Variants in GPR137 observed in about 807,000 individuals in gnomAD.
GPR137 encodes G protein-coupled receptor 137, also known as integral membrane protein GPR137.
Under a neutral mutation model 38.9 loss-of-function variants are expected in GPR137, and 20 were observed. The ratio of observed to expected loss-of-function variants is 0.51; its 90% CI spans 0.36 to 0.75. The LOEUF is 0.75. Among genes scored for constraint, GPR137 ranks in the 30% least tolerant of loss-of-function variants. GPR137 has a pLI of 0.00. For synonymous variants in GPR137, 226 were observed against 235.8 expected, an observed-to-expected ratio of 0.96 and a Z score of 0.38; for missense variants, 456 against 526.4, an observed-to-expected ratio of 0.87 and a Z score of 1.31.
In GPR137 at chr11:64,288,591, T is replaced by G; in HGVS notation, c.913-12T>G. On this transcript the variant is annotated splice_polypyrimidine_tract_variant and intron_variant, in intron 5 of 6. Coordinates refer to ENST00000438980, the MANE Select transcript of GPR137 (RefSeq NM_001170880.2). This position sits in a 1 kb window ranked among gnomAD's most constrained non-coding sequence, Gnocchi z 5.5. Reference sequence around the variant, plus strand: ...GACAGGAGTAAGTATCGATGATGGCTTCCTCCCCCAGAGCACCAGCCACAT... The same window carrying G: ...GACAGGAGTAAGTATCGATGATGGCGTCCTCCCCCAGAGCACCAGCCACAT... 6.2e-7 allele frequency: 1 copy of G among 1,613,366 alleles called. No individual in the cohort carries two copies. The highest frequency in any genetic ancestry group is 8.5e-7 in the Non-Finnish European group (1 of 1,179,796).
At chr11:64,276,802 C>T in intron 2 of GPR137, 1 of 655,720 alleles carries the variant, frequency 1.5e-6, no homozygotes, top group South Asian at 1.7e-5. Flanking sequence ...GGTGCCCAGG[C>T]CTGCCCACTC....
chr11:64,270,658 G>A (rs1226302019), exon 1 of GPR137: 1 of 589,552 alleles, frequency 1.7e-6, no homozygotes, highest in South Asian at 1.5e-5. Context: ...GGCCGGGAGC[G>A]ATGGTGAGCG....
chr11:64,270,891 G>A (rs2032459276), upstream of GPR137, among the ~76,000 whole-genome samples: 2 of 130,090 alleles, frequency 1.5e-5, no homozygotes, highest in Non-Finnish European at 3.3e-5. Context: ...ATCCCAGCAT[G>A]CCCTGTGAGA....
exon 1 of GPR137, chr11:64,270,648 G>A: frequency 3.3e-6 from 2 of 608,470 alleles, no homozygotes; most frequent in South Asian, 1.5e-5. Flanking sequence ...AGAATCAAAG[G>A]GCCGGGAGCG....
chr11:64,288,751 C>CA lies in GPR137; in HGVS notation c.1031+30_1031+31insA. The CA allele has an allele frequency of 2.0e-6, 3 of 1,496,580 alleles. No homozygotes were observed. The highest frequency in any genetic ancestry group is 2.7e-6 in the Non-Finnish European group (3 of 1,118,464). The allele number at this position is 1,496,580 out of a possible 1,614,324, so 92.7% of individuals were successfully genotyped here. On this transcript the variant is annotated intron_variant, in intron 6 of 6. Transcript: ENST00000438980. The surrounding 1 kb of genome is among the most constrained non-coding windows in gnomAD (Gnocchi z 5.5). Reference sequence around the variant, plus strand: ...GAGCCGTGGCACTGCCTCAGTACCCCTGCCCTACCCGCCCACCCCGCTGGC... The same window carrying CA: ...GAGCCGTGGCACTGCCTCAGTACCCCATGCCCTACCCGCCCACCCCGCTGGC...
Position 64,288,848 on chromosome 11 carries a change from T to C in GPR137, c.1031+127T>C. ...CCCTGCCATGGCCTTTGCTTCCCCA[T>C]CTGTACTAGGTGAGGTCCCCTGGGT... On this transcript the variant is annotated intron_variant, in intron 6 of 6. Transcript: ENST00000438980. This position sits in a 1 kb window ranked among gnomAD's most constrained non-coding sequence, Gnocchi z 5.5. 7.0e-7 allele frequency: 1 copy of C among 1,425,982 alleles called. No individual in the cohort carries two copies. The highest frequency in any genetic ancestry group is 1.5e-5 in the South Asian group (1 of 67,728). The allele number at this position is 1,425,982 out of a possible 1,614,324, so 88.3% of individuals were successfully genotyped here.
In GPR137 at chr11:64,286,568, T is replaced by C; in HGVS notation, c.44T>C (p.Val15Ala). ...LSGLVPAAGL[V>A]PALPPAVTLG... ...GGCCTGGTGCCTGCTGCCGGGCTGG[T>C]GCCTGCGCTGCCACCTGCTGTGACC... The change falls in exon 1 of 7, where the codon GTG (valine) becomes GCG (alanine). Residue 15 changes from valine to alanine, a missense_variant. Transcript: ENST00000438980. 6.2e-7 allele frequency: 1 copy of C among 1,613,548 alleles called. No homozygotes were observed. Among genetic ancestry groups the C allele is most frequent in the Non-Finnish European group, 8.5e-7 (1 of 1,179,706 alleles).
upstream of GPR137, among the ~76,000 whole-genome samples, chr11:64,282,882 A>G (rs1337195420): frequency 9.1e-5 from 11 of 120,468 alleles, no homozygotes; most frequent in Admixed American, 1.6e-4. Flanking sequence ...CCGTCTCAGG[A>G]AAAAAAAAAA....
At chr11:64,280,040 A>G (rs373362544), upstream of GPR137, among the ~76,000 whole-genome samples, 37 of 151,604 alleles carry the variant, frequency 2.4e-4, no homozygotes, top group Non-Finnish European at 3.8e-4. Context: ...TAATTTGGCC[A>G]GGCGCGGTGG....
chr11:64,277,146 AGT>A, intron 2 of GPR137: 1 of 607,638 alleles, frequency 1.6e-6, no homozygotes. Context: ...CGTTTGGAGC[AGT>A]GAAGCTCTGC....
upstream of GPR137, among the ~76,000 whole-genome samples, chr11:64,272,042 T>G (rs1282605274): frequency 2.0e-5 from 3 of 152,124 alleles, no homozygotes; most frequent in African/African-American, 7.2e-5. Flanking sequence ...CGAGTGCCAA[T>G]AATGGGTGAG....
chr11:64,279,385 A>G (rs980313940), upstream of GPR137, among the ~76,000 whole-genome samples: 2 of 152,070 alleles, frequency 1.3e-5, no homozygotes, highest in African/African-American at 4.8e-5. Context: ...CCCTAACTGG[A>G]CTGAGACAAG....
upstream of GPR137, among the ~76,000 whole-genome samples, chr11:64,272,295 GGC>G (rs2032691395): frequency 6.6e-6 from 1 of 151,834 alleles, no homozygotes; most frequent in South Asian, 2.1e-4. Flanking sequence ...CTCCAGCCTG[GGC>G]GACAGGCTTT....
upstream of GPR137, chr11:64,271,856 C>T: frequency 7.7e-7 from 1 of 1,306,306 alleles, no homozygotes; most frequent in Non-Finnish European, 9.8e-7. Context: ...TCCTCTAAGC[C>T]CCTGGCCCTG....
At position 64,288,806 on chromosome 11, in the gene GPR137, C is replaced by T. The variant is rs977057730; in HGVS notation, c.1031+85C>T. 23 of 1,452,710 alleles carry T rather than the reference C, an allele frequency of 1.6e-5. No individual in the cohort carries two copies. Among genetic ancestry groups the T allele is most frequent in the South Asian group, 1.0e-4 (7 of 69,388 alleles). 90.0% of individuals were successfully genotyped at this position (1,452,710 alleles called of 1,614,324 possible). A position where few individuals can be genotyped will look rare whatever the true frequency, so the allele number is the denominator to read the frequency against. On this transcript the variant is annotated intron_variant, in intron 6 of 6. Coordinates refer to ENST00000438980, the MANE Select transcript of GPR137 (RefSeq NM_001170880.2). The surrounding 1 kb of genome is among the most constrained non-coding windows in gnomAD (Gnocchi z 5.5). The stretch of plus-strand genomic sequence containing the variant: ...TCAAGCTATGGGGGACCGAGATAGC[C>T]GGGTCTTGCCTTCCACCCCTGCCAT...
upstream of GPR137, chr11:64,284,452 C>A (rs1189438399): frequency 1.2e-6 from 2 of 1,600,468 alleles, no homozygotes; most frequent in South Asian, 2.2e-5. Flanking sequence ...GGCAGGTACC[C>A]CTGGCTTCCT....
At position 64,289,243 on chromosome 11, in the gene GPR137, C is replaced by T; in HGVS notation, c.*47C>T. On this transcript the variant is annotated 3_prime_UTR_variant, in exon 7 of 7. Coordinates refer to ENST00000438980, the MANE Select transcript of GPR137 (RefSeq NM_001170880.2). ...ATACCCAGGCCCCAGTCCCCCTCAC[C>T]CTAGGCCCCTGTGCCAAGTTTGTCT... 6.2e-7 allele frequency: 1 copy of T among 1,612,842 alleles called. No individual in the cohort carries two copies. The highest frequency in any genetic ancestry group is 8.5e-7 in the Non-Finnish European group (1 of 1,179,218).
chr11:64,274,284 G>A (rs2032877954), upstream of GPR137, among the ~76,000 whole-genome samples: 1 of 152,178 alleles, frequency 6.6e-6, no homozygotes, highest in East Asian at 1.9e-4. Context: ...CTACTCGGGA[G>A]GGTGAGGCAG....
chr11:64,282,895 AAAAAAG>A (rs1565351954), upstream of GPR137, among the ~76,000 whole-genome samples: 1 of 151,618 alleles, frequency 6.6e-6, no homozygotes, highest in South Asian at 2.1e-4. Flanking sequence ...AAAAAAAAAA[AAAAAAG>A]AAAAAGTAAA....
Sources: gnomAD v4.1 joint callset for allele counts (sites outside exome capture counted in the v4.1 genomes callset) on GRCh38, gnomAD v4.1.1 for gene constraint, Gnocchi (gnomAD v3.1) non-coding constraint, MANE v1.5 for transcripts, NCBI Gene and HGNC (gene_info 2026-07-23, HGNC 2026-07-21) for gene names.